CNTLN: variants seen among roughly 807,000 people sequenced by gnomAD.
The protein encoded by CNTLN is centlein, centrosomal protein.
A neutral mutation model predicts 180.0 loss-of-function variants in CNTLN; 212 were observed. The ratio of observed to expected loss-of-function variants is 1.18; its 90% CI spans 1.05 to 1.32. The LOEUF is 1.32. CNTLN is among the 40% of genes most tolerant of loss of function. The pLI is 0.00. For missense variants in CNTLN, 2,095 were observed against 1,610.9 expected (o/e 1.30, Z -5.14); for synonymous variants, 722 against 563.1 (o/e 1.28, Z -3.99).
intron 2 of CNTLN, among the ~76,000 whole-genome samples, chr9:17,199,127 C>T (rs180681279): frequency 6.6e-6 from 1 of 150,946 alleles, no homozygotes; most frequent in African/African-American, 2.4e-5. Context: ...AGTGGTTGAA[C>T]TAATTTATAC....
chr9:17,388,308 A>C, intron 14 of CNTLN, 55 bp downstream of exon 14: 2 of 1,161,158 alleles, frequency 1.7e-6, no homozygotes. Flanking sequence ...ATTTTAACAT[A>C]AAGGATTATA....
At chr9:17,312,384 A>AATATATATATATATATATT (rs1563985028) in intron 8 of CNTLN, among the ~76,000 whole-genome samples, 2 of 108,102 alleles carry the variant, frequency 1.9e-5, no homozygotes, top group African/African-American at 7.1e-5. Flanking sequence ...ATATATATAT[A>AATATATATATATATATATT]ATTTATTTAT....
At chr9:17,201,041 AG>A (rs1276682835) in intron 2 of CNTLN, among the ~76,000 whole-genome samples, 1 of 152,194 alleles carries the variant, frequency 6.6e-6, no homozygotes, top group African/African-American at 2.4e-5. Context: ...TTTAACATGA[AG>A]GGATGTTGAA....
intron 6 of CNTLN, among the ~76,000 whole-genome samples, chr9:17,290,014 G>A (rs200159784): frequency 5.9e-5 from 9 of 152,122 alleles, no homozygotes; most frequent in Non-Finnish European, 1.2e-4. Context: ...CAGCTCGTCA[G>A]AATCATTCTC....
intron 16 of CNTLN, among the ~76,000 whole-genome samples, chr9:17,411,678 G>T (rs1027827987): frequency 6.6e-6 from 1 of 152,116 alleles, no homozygotes; most frequent in African/African-American, 2.4e-5. Flanking sequence ...CATGAACCCC[G>T]CTGTGAACTG....
intron 2 of CNTLN, among the ~76,000 whole-genome samples, chr9:17,215,411 A>C (rs1487375151): frequency 2.6e-5 from 4 of 152,118 alleles, no homozygotes; most frequent in African/African-American, 4.8e-5. Flanking sequence ...ATTCCTCTGG[A>C]AGCTTCATCT....
chr9:17,386,261 G>A (rs982054428), intron 13 of CNTLN, among the ~76,000 whole-genome samples: 12 of 151,456 alleles, frequency 7.9e-5, no homozygotes, highest in Non-Finnish European at 1.6e-4. Context: ...AAAAAATATA[G>A]AAAATAGAAT....
At chr9:17,266,259 A>G (rs1261794456) in intron 5 of CNTLN, among the ~76,000 whole-genome samples, 2 of 152,152 alleles carry the variant, frequency 1.3e-5, no homozygotes, top group Non-Finnish European at 2.9e-5. Flanking sequence ...ATTGGTTTCA[A>G]ATAACATCTT....
intron 25 of CNTLN, among the ~76,000 whole-genome samples, chr9:17,499,567 T>A (rs539604748): frequency 6.6e-6 from 1 of 152,214 alleles, no homozygotes; most frequent in Non-Finnish European, 1.5e-5. Context: ...ATTGAATCTG[T>A]TCCATAAACC....
chr9:17,513,172 T>A, the CNTLN span, among the ~76,000 whole-genome samples: 1 of 151,944 alleles, frequency 6.6e-6, no homozygotes, highest in African/African-American at 2.4e-5. Context: ...AAAAGAAAAA[T>A]GAAAATACTT....
intron 12 of CNTLN, among the ~76,000 whole-genome samples, chr9:17,360,619 C>CA (rs1823295898): frequency 6.6e-6 from 1 of 152,154 alleles, no homozygotes; most frequent in Admixed American, 6.5e-5. Flanking sequence ...AGGAAGTGCA[C>CA]AGATGGGCTT....
chr9:17,353,530 G>A (rs1192476612), intron 12 of CNTLN, among the ~76,000 whole-genome samples: 1 of 150,428 alleles, frequency 6.6e-6, no homozygotes, highest in Non-Finnish European at 1.5e-5. Flanking sequence ...AGAAATGTCT[G>A]TTCGTGTCCT....
intron 2 of CNTLN, among the ~76,000 whole-genome samples, chr9:17,223,065 G>T (rs1271207427): frequency 2.0e-5 from 3 of 151,916 alleles, no homozygotes; most frequent in African/African-American, 4.8e-5. Flanking sequence ...TGTACACTAC[G>T]TTTTTTCCTA....
chr9:17,155,605 C>T (rs1310177274), intron 2 of CNTLN, among the ~76,000 whole-genome samples: 3 of 152,198 alleles, frequency 2.0e-5, no homozygotes, highest in Non-Finnish European at 4.4e-5. Flanking sequence ...GGCGGACGCC[C>T]TTCCCCCACC....
intron 2 of CNTLN, among the ~76,000 whole-genome samples, chr9:17,153,610 GTGA>G (rs1365773429): frequency 6.6e-6 from 1 of 152,066 alleles, no homozygotes; most frequent in Non-Finnish European, 1.5e-5. Context: ...TTCAACCTTG[GTGA>G]ATCTGATGAT....
intron 18 of CNTLN, among the ~76,000 whole-genome samples, chr9:17,435,920 C>T (rs1829747275): frequency 6.6e-6 from 1 of 152,044 alleles, no homozygotes; most frequent in Admixed American, 6.6e-5. Flanking sequence ...GTAACAAATT[C>T]CCTAGCCCTC....
chr9:17,248,553 TTTA>T (rs1257122159), intron 5 of CNTLN, among the ~76,000 whole-genome samples: 2 of 147,626 alleles, frequency 1.4e-5, no homozygotes, highest in Admixed American at 6.8e-5. Flanking sequence ...TATTTAATAA[TTTA>T]TTATATAAAT....
downstream of CNTLN, among the ~76,000 whole-genome samples, chr9:17,505,455 A>G (rs954329060): frequency 2.0e-5 from 3 of 152,158 alleles, no homozygotes; most frequent in Non-Finnish European, 4.4e-5. Flanking sequence ...TGCAAAATCA[A>G]CATGGAAAGA....
intron 2 of CNTLN, among the ~76,000 whole-genome samples, chr9:17,220,804 CCA>C (rs111854105): frequency 0.028 from 4,195 of 152,230 alleles, 199 homozygotes; most frequent in African/African-American, 0.095. Flanking sequence ...TTGTAGTATT[CCA>C]CAGTGTATAT....
Sources: gnomAD v4.1 joint callset for allele counts (sites outside exome capture counted in the v4.1 genomes callset) on GRCh38, gnomAD v4.1.1 for gene constraint, MANE v1.5 for transcripts, NCBI Gene and HGNC (gene_info 2026-07-23, HGNC 2026-07-21) for gene names.